The following DMD variants were observed in gnomAD, a reference collection of about 807,000 sequenced individuals.
The protein encoded by DMD is mutant dystrophin.
Under a neutral mutation model 330.1 loss-of-function variants are expected in DMD, and 63 were observed. The observed-to-expected ratio is 0.19, with a 90% CI of 0.16 to 0.24. The LOEUF (loss-of-function observed/expected upper bound fraction) is 0.24, where lower values mean the gene tolerates loss of function less well. Ranked by LOEUF, DMD falls within the 10% of genes least tolerant of loss-of-function variation. DMD has a pLI of 1.00. For synonymous variants in DMD, 1,223 were observed against 959.8 expected (o/e 1.27, Z -5.07); for missense variants, 3,344 against 2,684.1 (o/e 1.25, Z -5.43).
chrX:32,355,090 C>A (rs943106215), intron 37 of DMD, among the ~76,000 whole-genome samples: 1 of 111,530 alleles, frequency 9.0e-6, no homozygotes, highest in Non-Finnish European at 1.9e-5. Context: ...TCCATTCCCC[C>A]TTCCTTCTTC....
intron 52 of DMD, among the ~76,000 whole-genome samples, chrX:31,689,441 T>G (rs2082949239): frequency 9.0e-6 from 1 of 111,451 alleles, no homozygotes. Context: ...CAAGGAGAAC[T>G]ACAAACCACT....
intron 63 of DMD, among the ~76,000 whole-genome samples, chrX:31,260,488 A>G (rs1178450161): frequency 8.9e-6 from 1 of 111,992 alleles, no homozygotes; most frequent in East Asian, 2.8e-4. Context: ...TTAAATGTTC[A>G]CATTAATGAC....
chrX:32,815,500 T>TAA lies in DMD; in HGVS notation c.530+967_530+968insTT, dbSNP rs1288598692. 6.2e-4 allele frequency among the ~76,000 whole-genome samples: 35 copies of TAA among 56,157 alleles called. No individual in the cohort carries two copies. In the South Asian group the frequency reaches 7.0e-3, roughly 11 times the overall value. The allele number at this position is 56,157 out of a possible 115,157, so 48.8% of individuals were successfully genotyped here. A position where few individuals can be genotyped will look rare whatever the true frequency, so the allele number is the denominator to read the frequency against. ...TCAAATACACACACACAAGCATATA[T>TAA]ATATATATATATATATATATACACA... On this transcript the variant is annotated intron_variant, in intron 6 of 78. Coordinates refer to ENST00000357033, the MANE Select transcript of DMD (RefSeq NM_004006.3).
intron 55 of DMD, among the ~76,000 whole-genome samples, chrX:31,521,696 T>C (rs1030744110): frequency 5.4e-5 from 6 of 112,020 alleles, no homozygotes; most frequent in Admixed American, 3.8e-4. Flanking sequence ...TGTTGAAATG[T>C]TGTAAATCTC....
At chrX:32,456,337 A>G (rs1409306197) in intron 25 of DMD, among the ~76,000 whole-genome samples, 3 of 111,174 alleles carry the variant, frequency 2.7e-5, no homozygotes, top group African/African-American at 9.8e-5. Flanking sequence ...ATGTCTTGCA[A>G]TTGTACTAGA....
chrX:31,342,268 T>C (rs2057814568), intron 61 of DMD, among the ~76,000 whole-genome samples: 1 of 111,753 alleles, frequency 8.9e-6, no homozygotes, highest in Admixed American at 9.6e-5. Flanking sequence ...ATCACGTTTC[T>C]ACAACCTTTA....
At chrX:31,225,763 T>C (rs1346019631) in intron 63 of DMD, among the ~76,000 whole-genome samples, 1 of 111,961 alleles carries the variant, frequency 8.9e-6, no homozygotes, top group Non-Finnish European at 1.9e-5. Context: ...ATGCTGATGC[T>C]GCTGGTCCAG....
intron 1 of DMD, among the ~76,000 whole-genome samples, chrX:33,331,517 T>A (rs767565896): frequency 1.2e-3 from 133 of 111,932 alleles, no homozygotes; most frequent in African/African-American, 4.2e-3. Flanking sequence ...TTATAATCAG[T>A]TGTAACAATG....
rs1031930785 is a variant in DMD at position 32,327,428 on chromosome X, T to A, written c.5922+14672A>T. Among the ~76,000 whole-genome samples, 5 of 110,765 alleles carry A rather than the reference T, an allele frequency of 4.5e-5. No homozygotes were observed. The East Asian group carries it at 1.4e-3, about 32-fold the overall frequency. ...AAATTAAAATGATATCCATCTGACC[T>A]CTGAATAAATAAAGTGCCACTGTGT... On this transcript the variant is annotated intron_variant, in intron 41 of 78. Transcript: ENST00000357033.
At chrX:31,409,396 A>G (rs560022995) in intron 60 of DMD, among the ~76,000 whole-genome samples, 1 of 111,891 alleles carries the variant, frequency 8.9e-6, no homozygotes, top group South Asian at 3.7e-4. Context: ...CCTCCTCAAC[A>G]CAACCACAAG....
At chrX:31,239,913 A>C (rs1009279896) in intron 63 of DMD, among the ~76,000 whole-genome samples, 1 of 111,886 alleles carries the variant, frequency 8.9e-6, no homozygotes, top group African/African-American at 3.2e-5. Flanking sequence ...GCCAGGTCTC[A>C]GACACTCCCT....
chrX:31,300,741 T>C (rs1267046627), intron 62 of DMD, among the ~76,000 whole-genome samples: 1 of 112,220 alleles, frequency 8.9e-6, no homozygotes, highest in Non-Finnish European at 1.9e-5. Context: ...TTTTAATCTT[T>C]TTCTATGTTT....
At chrX:32,010,954 A>G (rs2095703810) in intron 44 of DMD, among the ~76,000 whole-genome samples, 2 of 112,187 alleles carry the variant, frequency 1.8e-5, no homozygotes, top group African/African-American at 6.5e-5. Flanking sequence ...ACATGTTGGC[A>G]ATTCAGGAAG....
At chrX:31,665,158 T>C (rs2081357646) in intron 53 of DMD, among the ~76,000 whole-genome samples, 1 of 111,770 alleles carries the variant, frequency 8.9e-6, no homozygotes, top group African/African-American at 3.2e-5. Context: ...GTTAAAGAAG[T>C]TATGCATCCA....
chrX:33,253,948 A>G (rs1301214087), intron 1 of DMD, among the ~76,000 whole-genome samples: 1 of 111,076 alleles, frequency 9.0e-6, no homozygotes, highest in East Asian at 2.8e-4. Flanking sequence ...TCCAAACTAA[A>G]CTCTTAATAT....
At chrX:32,601,217 T>A (rs1017370614) in intron 12 of DMD, among the ~76,000 whole-genome samples, 1 of 111,725 alleles carries the variant, frequency 9.0e-6, no homozygotes, top group Non-Finnish European at 1.9e-5. Flanking sequence ...ATTGTCTAGC[T>A]TTCCATGAAG....
intron 6 of DMD, among the ~76,000 whole-genome samples, chrX:32,815,026 C>T (rs1016360252): frequency 4.5e-5 from 5 of 111,194 alleles, no homozygotes; most frequent in Non-Finnish European, 7.5e-5. Flanking sequence ...TGTATTGAGG[C>T]TGTGGAAACA....
At chrX:31,218,499 G>A (rs7878692) in intron 64 of DMD, among the ~76,000 whole-genome samples, 2,021 of 111,360 alleles carry the variant, frequency 0.018, 36 homozygotes, top group African/African-American at 0.062. Flanking sequence ...GGAAACCCTC[G>A]ACCTGGAAAG....
intron 50 of DMD, among the ~76,000 whole-genome samples, chrX:31,785,529 C>T (rs935291604): frequency 1.1e-4 from 12 of 111,273 alleles, no homozygotes; most frequent in Non-Finnish European, 1.7e-4. Flanking sequence ...TAGGTATACA[C>T]GTGCCATGGT....
Sources: gnomAD v4.1 joint callset for allele counts (sites outside exome capture counted in the v4.1 genomes callset) on GRCh38, gnomAD v4.1.1 for gene constraint, MANE v1.5 for transcripts, NCBI Gene and HGNC (gene_info 2026-07-23, HGNC 2026-07-21) for gene names.